The following METTL4 variants were observed in gnomAD, a reference collection of about 807,000 sequenced individuals.
METTL4 encodes methyltransferase 4, N6-adenosine.
METTL4 carries 40 observed loss-of-function variants against 54.0 expected under a neutral mutation model. That is an observed-to-expected ratio of 0.74 (90% CI 0.58 to 0.96). The LOEUF (loss-of-function observed/expected upper bound fraction) is 0.96, where lower values mean the gene tolerates loss of function less well. Ranked by LOEUF, METTL4 falls within the 50% of genes least tolerant of loss-of-function variation. METTL4 has a pLI of 0.00. For synonymous variants in METTL4, 169 were observed against 183.8 expected, an observed-to-expected ratio of 0.92 and a Z score of 0.65; for missense variants, 525 against 549.0, an observed-to-expected ratio of 0.96 and a Z score of 0.44.
At position 2,563,401 on chromosome 18, in the gene METTL4, T is replaced by G. The variant is rs144865257; in HGVS notation, c.459+396A>C. Among the ~76,000 whole-genome samples, 599 of 152,180 alleles carry G rather than the reference T, an allele frequency of 3.9e-3. 5 individuals carry two copies. The highest frequency in any genetic ancestry group is 0.013 in the African/African-American group (533 of 41,508). ...AGAGCTCAGTAGTTTGAGACCAGCC[T>G]GGCCAACATGGTGAAACACCATCTC... On this transcript the variant is annotated intron_variant, in intron 3 of 8. Transcript: ENST00000574538.
intron 3 of METTL4, among the ~76,000 whole-genome samples, chr18:2,558,826 C>T (rs2072275001): frequency 6.6e-6 from 1 of 152,092 alleles, no homozygotes; most frequent in South Asian, 2.1e-4. Context: ...TACAAACAGA[C>T]ATTTCTCTCA....
In METTL4 at chr18:2,547,476, G is replaced by C; in HGVS notation, c.953C>G (p.Ala318Gly). 1 of 1,610,994 alleles carries C rather than the reference G, an allele frequency of 6.2e-7. No individual in the cohort carries two copies. The highest frequency in any genetic ancestry group is 2.2e-5 in the East Asian group (1 of 44,798). The change falls in exon 6 of 9, where the codon GCT becomes GGT. Residue 318 changes from alanine (A) to glycine (G), a missense_variant. Ala to Gly is a moderately conservative substitution (Grantham distance 60, BLOSUM62 0). Transcript: ENST00000574538. ...QIQQIPIPKL[A>G]APNCLLVTWV... The stretch of plus-strand genomic sequence containing the variant: ...AGTAACAAGAAGACAGTTTGGAGCA[G>C]CCAATTTAGGGATAGGTATTTGCTG...
chr18:2,562,770 C>CA (rs980644385), intron 3 of METTL4, among the ~76,000 whole-genome samples: 11 of 141,810 alleles, frequency 7.8e-5, no homozygotes, highest in African/African-American at 2.9e-4. Context: ...AGCTGGGGGA[C>CA]GGGGGGATGG....
At chr18:2,551,979 G>A (rs2072168030) in intron 5 of METTL4, among the ~76,000 whole-genome samples, 1 of 152,112 alleles carries the variant, frequency 6.6e-6, no homozygotes, top group African/African-American at 2.4e-5. Context: ...CAGATCATGA[G>A]GTCAGGATTT....
At chr18:2,564,709 A>G (rs547997004) in intron 2 of METTL4, among the ~76,000 whole-genome samples, 17 of 152,360 alleles carry the variant, frequency 1.1e-4, no homozygotes, top group Admixed American at 9.8e-4. Context: ...AATGGACTTA[A>G]TATTGTATAA....
rs1311419879 is a variant in METTL4 at position 2,544,748 on chromosome 18, TG to T, written c.1085del (p.Ser362Ter). 1 of 1,611,218 alleles carries T rather than the reference TG, an allele frequency of 6.2e-7. No individual in the cohort carries two copies. The highest frequency in any genetic ancestry group is 1.1e-5 in the South Asian group (1 of 90,964). On this transcript the variant is annotated frameshift_variant, in exon 7 of 9. Coordinates refer to ENST00000574538, the MANE Select transcript of METTL4 (RefSeq NM_022840.5). LOFTEE classifies it high-confidence loss of function. ...AEWHWVKITN[S>X]GEFVFPLDSP... ...AATCTAATGGGAACACAAATTCTCC[TG>T]AATTGGTTATCTGATAGGAAGGAGC...
At chr18:2,551,592 G>A (rs1467570354) in intron 5 of METTL4, among the ~76,000 whole-genome samples, 2 of 152,050 alleles carry the variant, frequency 1.3e-5, no homozygotes, top group Non-Finnish European at 2.9e-5. Flanking sequence ...AGCTACTCAG[G>A]AGGCTTAGGC....
chr18:2,542,677 C>T (rs1337222621), intron 8 of METTL4, among the ~76,000 whole-genome samples: 1 of 151,948 alleles, frequency 6.6e-6, no homozygotes, highest in Admixed American at 6.5e-5. Context: ...AGGAACAATG[C>T]AATCTCACTT....
At position 2,554,924 on chromosome 18, in the gene METTL4, G is replaced by A. The variant is rs140108594; in HGVS notation, c.574C>T (p.Pro192Ser). The A allele has an allele frequency of 6.2e-7, 1 of 1,614,050 alleles. No individual in the cohort carries two copies. Among genetic ancestry groups the A allele is most frequent in the Non-Finnish European group, 8.5e-7 (1 of 1,179,946 alleles). The change falls in exon 4 of 9, where the codon CCA becomes TCA. Residue 192 changes from proline to serine, a missense_variant. Pro to Ser is a moderately conservative substitution (Grantham distance 74). Coordinates refer to ENST00000574538, the MANE Select transcript of METTL4 (RefSeq NM_022840.5). ...TCTGACAAACTGCAGGCGTCAAGTG[G>A]TAAAGTAATGGGCTTACTACCCTTG... ...QDKGSKPITL[P>S]LDACSLSELC... is the part of the protein sequence containing the mutation.
At position 2,554,926 on chromosome 18, in the gene METTL4, A is replaced by C; in HGVS notation, c.572T>G (p.Leu191Ter). Reference sequence around the variant, plus strand: ...TGACAAACTGCAGGCGTCAAGTGGTAAAGTAATGGGCTTACTACCCTTGTC... The same window carrying C: ...TGACAAACTGCAGGCGTCAAGTGGTCAAGTAATGGGCTTACTACCCTTGTC... ...KQDKGSKPITLPLDACSLSEL... is the reference protein window; with the variant it reads ...KQDKGSKPIT The change falls in exon 4 of 9, where the codon TTA becomes TGA. Residue 191 changes from leucine to a stop codon, truncating the protein, a stop_gained. Transcript: ENST00000574538. LOFTEE classifies it high-confidence loss of function. 1.2e-6 allele frequency: 2 copies of C among 1,614,150 alleles called. No individual in the cohort carries two copies. The highest frequency in any genetic ancestry group is 1.7e-6 in the Non-Finnish European group (2 of 1,179,968).
chr18:2,547,434 T>A lies in METTL4; in HGVS notation c.995A>T (p.Gln332Leu), dbSNP rs772274763. Residue 332 changes from glutamine (Q) to leucine (L), a missense_variant, in exon 6 of 9, where the codon CAG becomes CTG. Gln to Leu is a moderately radical substitution (Grantham distance 113). Coordinates refer to ENST00000574538, the MANE Select transcript of METTL4 (RefSeq NM_022840.5). ...CLLVTWVTNRQKHLRFIKEEL... is the reference protein window; with the variant it reads ...CLLVTWVTNRLKHLRFIKEEL... ...TTCCTTTATAAAACGTAGGTGCTTC[T>A]GTCTATTGGTCACCCAAGTAACAAG... is the stretch of plus-strand genomic sequence containing the variant. 2 of 1,612,142 alleles carry A rather than the reference T, an allele frequency of 1.2e-6. No individual in the cohort carries two copies. The highest frequency in any genetic ancestry group is 1.7e-6 in the Non-Finnish European group (2 of 1,178,932).
chr18:2,542,190 G>C (rs2072001476), intron 8 of METTL4, among the ~76,000 whole-genome samples: 1 of 146,218 alleles, frequency 6.8e-6, no homozygotes, highest in African/African-American at 2.6e-5. Context: ...AATGCTTTAG[G>C]GCAAGACTCA....
intron 2 of METTL4, among the ~76,000 whole-genome samples, chr18:2,564,921 A>C (rs2072380068): frequency 6.6e-6 from 1 of 152,220 alleles, no homozygotes; most frequent in African/African-American, 2.4e-5. Context: ...TATTTTACTA[A>C]GACCTCGGAC....
chr18:2,547,254 AAGG>A, intron 6 of METTL4, 98 bp downstream of exon 6: 1 of 868,710 alleles, frequency 1.2e-6, no homozygotes, highest in Non-Finnish European at 1.6e-6. Flanking sequence ...GCCCATGTTG[AAGG>A]AGTACAGCAG....
rs770172965 is a variant in METTL4 at position 2,554,689 on chromosome 18, C to T, written c.809G>A (p.Cys270Tyr). 7 of 1,605,632 alleles carry T rather than the reference C, an allele frequency of 4.4e-6. No individual in the cohort carries two copies. The South Asian group carries it at 6.6e-5, about 15-fold the overall frequency. The part of the protein sequence containing the change: ...KSSFLLSDIS[C>Y]MQPLLNYRKT... ...CTTACAGTTTAGAAGTGGTTGCATA[C>T]AAGAAATGTCAGATAAAAGAAAACT... The change falls in exon 4 of 9, where the codon TGT becomes TAT. Residue 270 changes from cysteine to tyrosine, a missense_variant. Transcript: ENST00000574538.
Position 2,544,701 on chromosome 18 carries a change from T to C in METTL4, c.1133A>G (p.Glu378Gly), listed in dbSNP as rs755352924. ...PLDSPHKKPY[E>G]GLILGRVQEK... Reference sequence around the variant, plus strand: ...TTGAACCCTCCCCAGTATAAGACCTTCGTAGGGCTTTTTGTGTGGAGAATC... The same window carrying C: ...TTGAACCCTCCCCAGTATAAGACCTCCGTAGGGCTTTTTGTGTGGAGAATC... The change falls in exon 7 of 9, where the codon GAA (glutamate) becomes GGA (glycine). Residue 378 changes from glutamate to glycine, a missense_variant. Transcript: ENST00000574538. 1.9e-6 allele frequency: 3 copies of C among 1,613,266 alleles called. No homozygotes were observed. Among genetic ancestry groups the C allele is most frequent in the South Asian group, 1.1e-5 (1 of 91,036 alleles).
intron 2 of METTL4, among the ~76,000 whole-genome samples, chr18:2,566,360 C>T (rs1305056537): frequency 6.6e-6 from 1 of 152,118 alleles, no homozygotes; most frequent in Non-Finnish European, 1.5e-5. Flanking sequence ...ACCCTTCTTA[C>T]AAACTTTTAT....
At chr18:2,541,228 A>T (rs1229108865) in intron 8 of METTL4, among the ~76,000 whole-genome samples, 2 of 152,240 alleles carry the variant, frequency 1.3e-5, no homozygotes, top group Non-Finnish European at 2.9e-5. Flanking sequence ...TCTGGTTTTT[A>T]AATATTAATT....
chr18:2,563,846 C>A lies in METTL4; in HGVS notation c.410G>T (p.Cys137Phe). ...CAATTCACCTTGATTGAAAACAACA[C>A]ATCTTTTACGCTTCTAAAGGGTAGA... ...ISIIGKKRKR[C>F]VVFNQGELDA... Residue 137 changes from cysteine (C) to phenylalanine (F), a missense_variant, in exon 3 of 9, where the codon TGT becomes TTT. Physicochemically the swap from Cys to Phe is radical, Grantham distance 205 (BLOSUM62 -2). Coordinates refer to ENST00000574538, the MANE Select transcript of METTL4 (RefSeq NM_022840.5). The A allele has an allele frequency of 6.2e-7, 1 of 1,609,342 alleles. No homozygotes were observed. Among genetic ancestry groups the A allele is most frequent in the Non-Finnish European group, 8.5e-7 (1 of 1,177,740 alleles).
Sources: allele counts gnomAD v4.1 joint callset (sites outside exome capture counted in the v4.1 genomes callset), GRCh38; gene constraint gnomAD v4.1.1; transcripts MANE v1.5; gene names NCBI Gene and HGNC (gene_info 2026-07-23, HGNC 2026-07-21).